The following PCDH15 variants were observed in gnomAD, a reference collection of about 807,000 sequenced individuals.
The protein encoded by PCDH15 is protocadherin-15.
In PCDH15, 129 loss-of-function variants were observed where a neutral mutation model predicts 178.5. The observed-to-expected ratio is 0.72, with a 90% CI of 0.63 to 0.84. The LOEUF (loss-of-function observed/expected upper bound fraction) is 0.84, where lower values mean the gene tolerates loss of function less well. Ranked by LOEUF, PCDH15 falls within the 40% of genes least tolerant of loss-of-function variation. PCDH15 has a pLI of 0.00. For missense variants in PCDH15, 2,230 were observed against 2,099.9 expected (o/e 1.06, Z -1.21); for synonymous variants, 800 against 732.0 (o/e 1.09, Z -1.50).
intron 15 of PCDH15, 127 bp downstream of exon 15, chr10:54,132,748 C>A (rs1590689265): frequency 1.4e-6 from 2 of 1,464,640 alleles, no homozygotes; most frequent in Non-Finnish European, 1.8e-6. Context: ...ATGGAATTTT[C>A]ATTCACTAGA....
chr10:53,876,623 G>GA (rs2080266886), intron 26 of PCDH15, among the ~76,000 whole-genome samples: 1 of 83,276 alleles, frequency 1.2e-5, no homozygotes, highest in African/African-American at 3.7e-5. Context: ...CAAAACTTTT[G>GA]CAAAAAAAAA....
Position 55,386,144 on chromosome 10 carries a change from A to G in PCDH15, c.-155-219493T>C, listed in dbSNP as rs555969486. 3.3e-5 allele frequency among the ~76,000 whole-genome samples: 5 copies of G among 152,182 alleles called. No homozygotes were observed. The South Asian group carries it at 6.2e-4, about 19-fold the overall frequency. Reference sequence around the variant, plus strand: ...AACACACTAACTACACAAGATATGTATAATTTACCTAGACTCAAAGGGAAA... The same window carrying G: ...AACACACTAACTACACAAGATATGTGTAATTTACCTAGACTCAAAGGGAAA... On this transcript the variant is annotated intron_variant, in intron 2 of 5. Transcript: ENST00000613346.
At chr10:54,799,948 T>C (rs1952479683) in intron 1 of PCDH15, among the ~76,000 whole-genome samples, 1 of 152,168 alleles carries the variant, frequency 6.6e-6, no homozygotes, top group African/African-American at 2.4e-5. Context: ...AAAATATGCC[T>C]CTTTTACAGA....
At chr10:54,254,519 A>G (rs1456130107) in intron 8 of PCDH15, among the ~76,000 whole-genome samples, 1 of 152,130 alleles carries the variant, frequency 6.6e-6, no homozygotes, top group Non-Finnish European at 1.5e-5. Context: ...ATGGTTCCCA[A>G]TTCACTCTTA....
intron 14 of PCDH15, among the ~76,000 whole-genome samples, chr10:54,139,914 G>T (rs904746690): frequency 6.6e-6 from 1 of 151,774 alleles, no homozygotes; most frequent in Non-Finnish European, 1.5e-5. Flanking sequence ...AAAATAACTG[G>T]TTATTAAAAA....
At position 53,823,377 on chromosome 10, in the gene PCDH15, A is replaced by G. The variant is rs376178615; in HGVS notation, c.4368-3147T>C. Reference sequence around the variant, plus strand: ...GAAAAGACTTGAAAGAAAAGAAGATAATGAAATGTAAGGAAACAAGTTGTG... The same window carrying G: ...GAAAAGACTTGAAAGAAAAGAAGATGATGAAATGTAAGGAAACAAGTTGTG... On this transcript the variant is annotated intron_variant, in intron 32 of 37. Transcript: ENST00000644397. 30 of 1,604,416 alleles carry G rather than the reference A, an allele frequency of 1.9e-5. 1 individual carries two copies. Among genetic ancestry groups the G allele is most frequent in the African/African-American group, 4.0e-5 (3 of 74,680 alleles).
chr10:54,174,392 G>A (rs766991067), intron 13 of PCDH15, among the ~76,000 whole-genome samples: 5 of 151,878 alleles, frequency 3.3e-5, no homozygotes, highest in Non-Finnish European at 7.4e-5. Flanking sequence ...AAAAATTGCC[G>A]GGCATGGTGG....
At chr10:54,578,947 C>T (rs1036716229) in intron 2 of PCDH15, among the ~76,000 whole-genome samples, 11 of 152,066 alleles carry the variant, frequency 7.2e-5, no homozygotes, top group African/African-American at 2.7e-4. Context: ...AAGCAACTGA[C>T]AAGGGAATTT....
At chr10:53,882,285 CT>C (rs35618893) in intron 26 of PCDH15, among the ~76,000 whole-genome samples, 100,651 of 152,028 alleles carry the variant, frequency 0.66, 34,094 homozygotes, top group East Asian at 0.88. Context: ...TCCACATCAC[CT>C]TTTTTGTTTG....
intron 1 of PCDH15, among the ~76,000 whole-genome samples, chr10:54,714,452 C>G (rs186707746): frequency 6.6e-6 from 1 of 152,126 alleles, no homozygotes; most frequent in East Asian, 1.9e-4. Flanking sequence ...AAGCTTCACT[C>G]TTTATCCTCA....
intron 2 of PCDH15, among the ~76,000 whole-genome samples, chr10:55,413,556 T>C (rs1203145814): frequency 6.6e-6 from 1 of 151,166 alleles, no homozygotes; most frequent in African/African-American, 2.4e-5. Flanking sequence ...TATTTGGATT[T>C]ATATATCTAT....
At position 54,153,352 on chromosome 10, in the gene PCDH15, GT is replaced by G. The variant is rs906089844; in HGVS notation, c.1591-60del. The G allele has an allele frequency of 3.0e-5, 47 of 1,572,930 alleles. 1 individual carries two copies. The African/African-American group carries it at 5.0e-4, about 17-fold the overall frequency. On this transcript the variant is annotated intron_variant, in intron 13 of 37. Transcript: ENST00000644397. ...GGTCTCAACTTTTCACCACCATGTCGTTTTTTCCCCCAACAAAAGAAGCTTG... is the reference window on the plus strand; with the variant it reads ...GGTCTCAACTTTTCACCACCATGTCGTTTTTCCCCCAACAAAAGAAGCTTG...
chr10:54,214,818 C>T (rs897129202), intron 9 of PCDH15, among the ~76,000 whole-genome samples: 11 of 152,056 alleles, frequency 7.2e-5, no homozygotes, highest in Non-Finnish European at 1.6e-4. Flanking sequence ...CTTGAACTCC[C>T]GACATCTGGT....
At chr10:54,359,594 T>C (rs1171000026) in intron 5 of PCDH15, among the ~76,000 whole-genome samples, 2 of 152,046 alleles carry the variant, frequency 1.3e-5, no homozygotes, top group Non-Finnish European at 2.9e-5. Flanking sequence ...AATATAGCTT[T>C]ACTTCTATTA....
chr10:55,173,709 T>C (rs893177607), intron 1 of PCDH15, among the ~76,000 whole-genome samples: 1 of 152,136 alleles, frequency 6.6e-6, no homozygotes, highest in Non-Finnish European at 1.5e-5. Flanking sequence ...TTTCTTAGTT[T>C]GTAGTATGAT....
At chr10:55,522,379 T>G (rs1163031093) in intron 2 of PCDH15, among the ~76,000 whole-genome samples, 1 of 151,876 alleles carries the variant, frequency 6.6e-6, no homozygotes, top group Non-Finnish European at 1.5e-5. Flanking sequence ...ATTGATTTTC[T>G]GTCTGGATGA....
At chr10:55,428,631 T>G (rs1838813265) in intron 2 of PCDH15, among the ~76,000 whole-genome samples, 1 of 151,920 alleles carries the variant, frequency 6.6e-6, no homozygotes, top group South Asian at 2.1e-4. Flanking sequence ...AAAGCAGTTT[T>G]TTGATAACAT....
chr10:55,329,612 AG>A (rs1327775861), intron 2 of PCDH15, among the ~76,000 whole-genome samples: 1 of 151,858 alleles, frequency 6.6e-6, no homozygotes, highest in African/African-American at 2.4e-5. Flanking sequence ...AAATAGACTC[AG>A]GTTAGCCCTG....
intron 2 of PCDH15, among the ~76,000 whole-genome samples, chr10:55,063,248 C>A (rs759038759): frequency 1.3e-5 from 2 of 152,030 alleles, no homozygotes; most frequent in African/African-American, 4.8e-5. Flanking sequence ...ACTTAAAAAA[C>A]CTGGACGTTT....
Sources: allele counts gnomAD v4.1 joint callset (sites outside exome capture counted in the v4.1 genomes callset), GRCh38; gene constraint gnomAD v4.1.1; transcripts MANE v1.5; gene names NCBI Gene and HGNC (gene_info 2026-07-23, HGNC 2026-07-21).